DPYSL2: variants seen among roughly 807,000 people sequenced by gnomAD.
The protein encoded by DPYSL2 is dihydropyrimidinase like 2, also known as dihydropyrimidinase-related protein 2.
In DPYSL2, 13 loss-of-function variants were observed where a neutral mutation model predicts 69.9. That is an observed-to-expected ratio of 0.19 (90% CI 0.12 to 0.30). DPYSL2 has a LOEUF of 0.30. Ranked by LOEUF, DPYSL2 falls within the 10% of genes least tolerant of loss-of-function variation. The probability of loss-of-function intolerance (pLI) is 1.00; values close to 1 mark genes in which losing one functional copy is unlikely to be tolerated. For missense variants in DPYSL2, 587 were observed against 918.9 expected, an observed-to-expected ratio of 0.64 and a Z score of 4.67; for synonymous variants, 326 against 359.1, an observed-to-expected ratio of 0.91 and a Z score of 1.04.
chr8:26,536,339 A>G (rs2117617756), intron 1 of DPYSL2, among the ~76,000 whole-genome samples: 1 of 151,996 alleles, frequency 6.6e-6, no homozygotes. Flanking sequence ...GATTACATGC[A>G]TGAGCCACTG....
At chr8:26,575,445 G>A (rs1244985992) in intron 1 of DPYSL2, among the ~76,000 whole-genome samples, 2 of 152,102 alleles carry the variant, frequency 1.3e-5, no homozygotes, top group Non-Finnish European at 2.9e-5. Flanking sequence ...GGTAAATATG[G>A]TAAGAAATGC....
In DPYSL2 at chr8:26,643,297, C is replaced by T; in HGVS notation, c.1127-142C>T. 1.1e-6 allele frequency: 1 copy of T among 882,016 alleles called. No individual in the cohort carries two copies. Among genetic ancestry groups the T allele is most frequent in the Non-Finnish European group, 1.7e-6 (1 of 601,446 alleles). 54.6% of individuals were successfully genotyped at this position (882,016 alleles called of 1,614,324 possible). On this transcript the variant is annotated intron_variant, in intron 8 of 13. Transcript: ENST00000521913. The surrounding 1 kb of genome is among the most constrained non-coding windows in gnomAD (Gnocchi z 6.5). ...GAATTTCTCCAAGTCTCAGTTTCCTCATCTGCGAGATGAGCCTGATATTTC... is the reference window on the plus strand; with the variant it reads ...GAATTTCTCCAAGTCTCAGTTTCCTTATCTGCGAGATGAGCCTGATATTTC...
At chr8:26,577,602 C>T (rs1287351483) in intron 1 of DPYSL2, among the ~76,000 whole-genome samples, 2 of 149,848 alleles carry the variant, frequency 1.3e-5, no homozygotes, top group Non-Finnish European at 3.0e-5. Context: ...CTCGGGGTGC[C>T]GCCCCTCCCC....
At position 26,585,359 on chromosome 8, in the gene DPYSL2, G is replaced by C. The variant is rs398008; in HGVS notation, c.628+1376G>C. On this transcript the variant is annotated intron_variant, in intron 3 of 13. Coordinates refer to ENST00000521913, the MANE Select transcript of DPYSL2 (RefSeq NM_001197293.3). This position sits in a 1 kb window ranked among gnomAD's most constrained non-coding sequence, Gnocchi z 4.0. ...CTGCCATCCCCTCCTAGTCTGAGTT[G>C]CCCCGCATTTTAAATCACAACTCAT... Among the ~76,000 whole-genome samples, 77,518 of 151,884 alleles carry C rather than the reference G, an allele frequency of 0.51. 20,849 individuals are homozygous for C. The highest frequency in any genetic ancestry group is 0.68 in the African/African-American group (28,054 of 41,422).
At chr8:26,544,786 T>C (rs749087026) in intron 1 of DPYSL2, among the ~76,000 whole-genome samples, 1 of 152,184 alleles carries the variant, frequency 6.6e-6, no homozygotes, top group Non-Finnish European at 1.5e-5. Flanking sequence ...TAAAGACACA[T>C]GTAGGTTGAC....
At chr8:26,651,933 A>T (rs1326485895) in intron 11 of DPYSL2, among the ~76,000 whole-genome samples, 7 of 152,232 alleles carry the variant, frequency 4.6e-5, no homozygotes. Context: ...GGAGCTGGAG[A>T]TGGTGGGAAC....
At chr8:26,540,398 A>G (rs1307352439) in intron 1 of DPYSL2, among the ~76,000 whole-genome samples, 1 of 152,200 alleles carries the variant, frequency 6.6e-6, no homozygotes, top group Non-Finnish European at 1.5e-5. Context: ...TGCACATATT[A>G]TAAGAGTTCT....
intron 1 of DPYSL2, chr8:26,577,126 G>C (rs1408628162): frequency 6.8e-6 from 3 of 443,538 alleles, no homozygotes; most frequent in African/African-American, 2.1e-5. Context: ...CCTCCTTCCC[G>C]GCTCGGAGTT....
rs956457977 is a variant in DPYSL2, at chr8:26,620,423, A to G, written c.629-3720A>G. On this transcript the variant is annotated intron_variant, in intron 3 of 13. Coordinates refer to ENST00000521913, the MANE Select transcript of DPYSL2 (RefSeq NM_001197293.3). This position sits in a 1 kb window ranked among gnomAD's most constrained non-coding sequence, Gnocchi z 4.5. ...AGGCACCTGCCACCACACCCAGTTA[A>G]TTTTGTATTTTTAGTAGAGACGAGG... 1.3e-5 allele frequency among the ~76,000 whole-genome samples: 2 copies of G among 151,650 alleles called. No homozygotes were observed. Among genetic ancestry groups the G allele is most frequent in the African/African-American group, 4.8e-5 (2 of 41,262 alleles).
intron 1 of DPYSL2, among the ~76,000 whole-genome samples, chr8:26,561,275 T>C (rs772458770): frequency 3.5e-4 from 53 of 152,170 alleles, no homozygotes; most frequent in Non-Finnish European, 7.2e-4. Flanking sequence ...CTCCTGAGTC[T>C]TCTTTGCAGA....
intron 3 of DPYSL2, among the ~76,000 whole-genome samples, chr8:26,595,040 C>A (rs1318460281): frequency 6.6e-6 from 1 of 151,882 alleles, no homozygotes; most frequent in African/African-American, 2.4e-5. Context: ...ATCAATCAAT[C>A]AATCAATCAA....
intron 7 of DPYSL2, among the ~76,000 whole-genome samples, chr8:26,634,067 A>G (rs1206026027): frequency 1.3e-5 from 2 of 152,238 alleles, no homozygotes; most frequent in African/African-American, 4.8e-5. Flanking sequence ...GAGAGCAATC[A>G]GTGTCTGTGT....
intron 7 of DPYSL2, 58 bp from the exon 8 acceptor site, chr8:26,634,722 G>T: frequency 6.2e-7 from 1 of 1,612,924 alleles, no homozygotes; most frequent in South Asian, 1.1e-5. Context: ...GGAGGATAAA[G>T]GTAGCGGCTC....
Position 26,653,495 on chromosome 8 carries a change from T to G in DPYSL2, c.1942+98T>G. The G allele has an allele frequency of 8.2e-7, 1 of 1,215,572 alleles. No individual in the cohort carries two copies. The highest frequency in any genetic ancestry group is 1.2e-6 in the Non-Finnish European group (1 of 861,522). 75.3% of individuals were successfully genotyped at this position (1,215,572 alleles called of 1,614,324 possible). A position where few individuals can be genotyped will look rare whatever the true frequency, so the allele number is the denominator to read the frequency against. On this transcript the variant is annotated intron_variant, in intron 13 of 13. Transcript: ENST00000521913. The surrounding 1 kb of genome is among the most constrained non-coding windows in gnomAD (Gnocchi z 5.7). ...TTTGGAAAGGACACAGAAATAGAAG[T>G]GAATGATATTCCCTTTCTCTCCAAC...
At position 26,597,773 on chromosome 8, in the gene DPYSL2, CTCT is replaced by C. The variant is rs1405854718; in HGVS notation, c.628+13792_628+13794del. On this transcript the variant is annotated intron_variant, in intron 3 of 13. Coordinates refer to ENST00000521913, the MANE Select transcript of DPYSL2 (RefSeq NM_001197293.3). The surrounding 1 kb of genome is among the most constrained non-coding windows in gnomAD (Gnocchi z 5.2). ...ACAGGCAAGAGCCACCGCACCTGGC[CTCT>C]TTTTTTTTTTTTTTTTTTTGAGGGG... Among the ~76,000 whole-genome samples, 1 of 139,950 alleles carries C rather than the reference CTCT, an allele frequency of 7.1e-6. No homozygotes were observed. The highest frequency in any genetic ancestry group is 7.8e-5 in the Admixed American group (1 of 12,780). 91.8% of individuals were successfully genotyped at this position (139,950 alleles called of 152,430 possible). A position where few individuals can be genotyped will look rare whatever the true frequency, so the allele number is the denominator to read the frequency against.
At chr8:26,578,108 C>A in intron 1 of DPYSL2, 2 of 1,515,652 alleles carry the variant, frequency 1.3e-6, no homozygotes, top group South Asian at 1.3e-5. Context: ...TTGAAATTTC[C>A]TAATAGCAAG....
intron 3 of DPYSL2, among the ~76,000 whole-genome samples, chr8:26,604,435 T>G (rs1276045632): frequency 6.6e-6 from 1 of 152,142 alleles, no homozygotes; most frequent in Admixed American, 6.5e-5. Context: ...CCTGGAAGGC[T>G]TCCTGGAGGA....
intron 1 of DPYSL2, among the ~76,000 whole-genome samples, chr8:26,546,500 C>A (rs1047405235): frequency 2.0e-5 from 3 of 151,928 alleles, no homozygotes; most frequent in Non-Finnish European, 4.4e-5. Context: ...AAATTAGACA[C>A]CTTTATATTT....
In DPYSL2 at chr8:26,533,402, C is replaced by T. The variant is rs898293761; in HGVS notation, c.354+18723C>T. ...AACTTATCTATCTTTTCTTTTGTTG[C>T]TTGTACTTTTGGTATCCTATTTAAG... is the stretch of plus-strand genomic sequence containing the variant. On this transcript the variant is annotated intron_variant, in intron 1 of 13. Coordinates refer to ENST00000521913, the MANE Select transcript of DPYSL2 (RefSeq NM_001197293.3). The surrounding 1 kb of genome is among the most constrained non-coding windows in gnomAD (Gnocchi z 4.8). Among the ~76,000 whole-genome samples the T allele has an allele frequency of 6.6e-6, 1 of 152,030 alleles. No individual in the cohort carries two copies. Among genetic ancestry groups the T allele is most frequent in the Admixed American group, 6.6e-5 (1 of 15,250 alleles).
Sources: gnomAD v4.1 joint callset for allele counts (sites outside exome capture counted in the v4.1 genomes callset) on GRCh38, gnomAD v4.1.1 for gene constraint, Gnocchi (gnomAD v3.1) non-coding constraint, MANE v1.5 for transcripts, NCBI Gene and HGNC (gene_info 2026-07-23, HGNC 2026-07-21) for gene names.